KLHL15: variants seen among roughly 807,000 people sequenced by gnomAD.
The protein encoded by KLHL15 is kelch-like protein 15.
A neutral mutation model predicts 29.3 loss-of-function variants in KLHL15; 1 was observed. That is an observed-to-expected ratio of 0.03 (90% CI 0.01 to 0.16). The LOEUF (loss-of-function observed/expected upper bound fraction) is 0.16, where lower values mean the gene tolerates loss of function less well. KLHL15 is among the 10% of genes least tolerant of loss of function. KLHL15 has a pLI of 1.00. For synonymous variants in KLHL15, 212 were observed against 184.5 expected, an observed-to-expected ratio of 1.15 and a Z score of -1.21; for missense variants, 215 against 478.5, an observed-to-expected ratio of 0.45 and a Z score of 5.14.
intron 3 of KLHL15, among the ~76,000 whole-genome samples, chrX:23,991,783 G>C (rs965817753): frequency 3.6e-5 from 4 of 111,847 alleles, no homozygotes; most frequent in Non-Finnish European, 7.5e-5. Flanking sequence ...AGGTTGCAGT[G>C]AACTGAGATC....
intron 3 of KLHL15, among the ~76,000 whole-genome samples, chrX:23,999,548 T>C (rs745714179): frequency 2.1e-5 from 2 of 94,876 alleles, no homozygotes; most frequent in South Asian, 5.2e-4. Flanking sequence ...TGAGCCGAGA[T>C]AGCGCCACTG....
chrX:24,007,924 T>TG (rs1439891923), intron 2 of KLHL15, among the ~76,000 whole-genome samples: 1 of 100,352 alleles, frequency 1.0e-5, no homozygotes, highest in Admixed American at 1.1e-4. Context: ...AGATATTGTA[T>TG]GAAAAAAAAA....
At chrX:24,016,081 A>G (rs1602015301) in intron 2 of KLHL15, among the ~76,000 whole-genome samples, 2 of 107,041 alleles carry the variant, frequency 1.9e-5, no homozygotes, top group East Asian at 6.0e-4. Flanking sequence ...AGGCACGGTG[A>G]CTCACGCTTG....
At chrX:24,002,119 C>T (rs1415422021) in intron 3 of KLHL15, among the ~76,000 whole-genome samples, 2 of 106,721 alleles carry the variant, frequency 1.9e-5, no homozygotes, top group Non-Finnish European at 3.8e-5. Flanking sequence ...GGCAACAGAG[C>T]GAGACTCTGT....
chrX:24,004,628 T>C (rs1043606588), intron 3 of KLHL15, among the ~76,000 whole-genome samples: 1 of 106,638 alleles, frequency 9.4e-6, no homozygotes, highest in African/African-American at 3.4e-5. Context: ...CTGTCTCTAC[T>C]AAAACACAAA....
intron 3 of KLHL15, among the ~76,000 whole-genome samples, chrX:23,992,841 G>A (rs1344909122): frequency 8.9e-6 from 1 of 112,220 alleles, no homozygotes; most frequent in East Asian, 2.8e-4. Flanking sequence ...CATAAAACAA[G>A]TATTATAACG....
rs539151962 is a variant in KLHL15, at chrX:23,998,399, G to A, written c.705+7590C>T. Among the ~76,000 whole-genome samples, 10 of 110,497 alleles carry A rather than the reference G, an allele frequency of 9.1e-5. No individual in the cohort carries two copies. The South Asian group carries it at 3.8e-3, about 42-fold the overall frequency. ...AGCCTCCCGAGTAGCTGGGACTACA[G>A]GTGCCCACCACCATGCCCGGCTAAT... On this transcript the variant is annotated intron_variant, in intron 3 of 3. Coordinates refer to ENST00000328046, the MANE Select transcript of KLHL15 (RefSeq NM_030624.3).
chrX:24,025,397 C>T (rs1602022455), intron 1 of KLHL15, among the ~76,000 whole-genome samples: 1 of 106,454 alleles, frequency 9.4e-6, no homozygotes, highest in Non-Finnish European at 2.0e-5. Context: ...GGGGGCCGCT[C>T]CGGGCCGCGC....
intron 3 of KLHL15, among the ~76,000 whole-genome samples, chrX:23,994,342 G>A (rs183328115): frequency 2.6e-4 from 29 of 112,265 alleles, no homozygotes; most frequent in Admixed American, 2.2e-3. Flanking sequence ...GAACTGTCAA[G>A]AGAATGGATG....
chrX:24,007,508 AAT>A lies in KLHL15; in HGVS notation c.-7-810_-7-809del, dbSNP rs759758947. ...CCCATTTCCAAAAAAAAAAAAAAAA[AAT>A]ATATATATATATATATATATATATA... On this transcript the variant is annotated intron_variant, in intron 2 of 3. Coordinates refer to ENST00000328046, the MANE Select transcript of KLHL15 (RefSeq NM_030624.3). Among the ~76,000 whole-genome samples, 162 of 35,910 alleles carry A rather than the reference AAT, an allele frequency of 4.5e-3. 2 individuals carry two copies. Among genetic ancestry groups the A allele is most frequent in the African/African-American group, 0.02 (136 of 6,765 alleles). The allele number at this position is 35,910 out of a possible 115,157, so 31.2% of individuals were successfully genotyped here.
intron 3 of KLHL15, among the ~76,000 whole-genome samples, chrX:23,999,153 C>T (rs1212847431): frequency 9.0e-6 from 1 of 110,713 alleles, no homozygotes. Flanking sequence ...AGGTGATCTG[C>T]CCACCTTGGC....
At chrX:24,020,976 T>C (rs1030447979) in intron 2 of KLHL15, among the ~76,000 whole-genome samples, 1 of 111,960 alleles carries the variant, frequency 8.9e-6, no homozygotes, top group African/African-American at 3.2e-5. Context: ...ACAAAGGGTA[T>C]TTTTTTCTAT....
At chrX:23,991,924 T>C (rs1316891018) in intron 3 of KLHL15, among the ~76,000 whole-genome samples, 1 of 112,305 alleles carries the variant, frequency 8.9e-6, no homozygotes, top group Non-Finnish European at 1.9e-5. Context: ...AATTGCCTAA[T>C]AGTGTGCCTT....
chrX:24,004,163 T>C (rs892314814), intron 3 of KLHL15, among the ~76,000 whole-genome samples: 3 of 110,862 alleles, frequency 2.7e-5, no homozygotes. Context: ...TGTTCAAATC[T>C]GTTACTACCA....
chrX:24,012,052 A>G (rs1231674606), intron 2 of KLHL15, among the ~76,000 whole-genome samples: 1 of 108,731 alleles, frequency 9.2e-6, no homozygotes, highest in African/African-American at 3.4e-5. Context: ...AGGTCGGGGG[A>G]GGCTGAAGCA....
At chrX:24,018,059 G>A (rs1929726774) in intron 2 of KLHL15, among the ~76,000 whole-genome samples, 1 of 111,486 alleles carries the variant, frequency 9.0e-6, no homozygotes, top group South Asian at 3.7e-4. Context: ...GAACCACGAT[G>A]AAGCCACTGC....
intron 2 of KLHL15, among the ~76,000 whole-genome samples, chrX:24,023,461 A>G (rs1929854063): frequency 8.9e-6 from 1 of 112,341 alleles, no homozygotes; most frequent in African/African-American, 3.2e-5. Context: ...AGGATTATAA[A>G]TTTAATAAAA....
At chrX:24,022,022 A>T (rs1393935293) in intron 2 of KLHL15, among the ~76,000 whole-genome samples, 1 of 111,419 alleles carries the variant, frequency 9.0e-6, no homozygotes, top group Non-Finnish European at 1.9e-5. Context: ...TCTTGTTCAA[A>T]ATCAGGGAAA....
intron 3 of KLHL15, among the ~76,000 whole-genome samples, chrX:23,991,410 T>C (rs1929082259): frequency 9.4e-6 from 1 of 106,904 alleles, no homozygotes; most frequent in Non-Finnish European, 1.9e-5. Context: ...CCCCAGCTAC[T>C]TGGGAGGCTG....
Sources: gnomAD v4.1 joint callset for allele counts (sites outside exome capture counted in the v4.1 genomes callset) on GRCh38, gnomAD v4.1.1 for gene constraint, MANE v1.5 for transcripts, NCBI Gene and HGNC (gene_info 2026-07-23, HGNC 2026-07-21) for gene names.